Variants in SYNPR observed in about 807,000 individuals in gnomAD.
The protein encoded by SYNPR is synaptoporin.
Under a neutral mutation model 32.9 loss-of-function variants are expected in SYNPR, and 23 were observed. That is an observed-to-expected ratio of 0.70 (90% CI 0.50 to 0.99). SYNPR has a LOEUF of 0.99. Ranked by LOEUF, SYNPR falls within the 50% of genes least tolerant of loss-of-function variation. The probability of loss-of-function intolerance (pLI) is 0.00; values close to 1 mark genes in which losing one functional copy is unlikely to be tolerated. For missense variants in SYNPR, 318 were observed against 349.3 expected, an observed-to-expected ratio of 0.91 and a Z score of 0.71; for synonymous variants, 146 against 135.9, an observed-to-expected ratio of 1.07 and a Z score of -0.52.
intron 2 of SYNPR, among the ~76,000 whole-genome samples, chr3:63,446,841 T>C (rs1463694784): frequency 6.6e-6 from 1 of 152,188 alleles, no homozygotes; most frequent in African/African-American, 2.4e-5. Flanking sequence ...TATTGAGTTC[T>C]TGGTGTGATC....
chr3:63,383,329 G>C (rs1001562358), intron 2 of SYNPR, among the ~76,000 whole-genome samples: 1 of 152,212 alleles, frequency 6.6e-6, no homozygotes, highest in Non-Finnish European at 1.5e-5. Context: ...CAAGAGAAAA[G>C]AATAGAGCTG....
At chr3:63,304,379 T>A (rs2086887754) in intron 2 of SYNPR, among the ~76,000 whole-genome samples, 1 of 151,644 alleles carries the variant, frequency 6.6e-6, no homozygotes, top group Non-Finnish European at 1.5e-5. Flanking sequence ...TGTGTGTGTG[T>A]GTGTAAGAAA....
chr3:63,367,342 A>ATTATTTATTTAT (rs3081092), intron 2 of SYNPR, among the ~76,000 whole-genome samples: 5,265 of 143,636 alleles, frequency 0.037, 155 homozygotes, highest in African/African-American at 0.074. Context: ...TCACTGTTGA[A>ATTATTTATTTAT]TTATTTATTT....
intron 3 of SYNPR, among the ~76,000 whole-genome samples, chr3:63,548,369 G>A (rs1230675975): frequency 2.6e-5 from 4 of 151,918 alleles, no homozygotes; most frequent in Admixed American, 6.6e-5. Flanking sequence ...TCTGCATAAT[G>A]TTGGGGGGCT....
rs533311028 is a variant in SYNPR, at chr3:63,314,252, G to C, written c.84+35510G>C. ...CAGGTAGATACCCAGTAGTGGGACT[G>C]CTGGACCAAATGGTAGTTCAGTTCT... On this transcript the variant is annotated intron_variant, in intron 2 of 5. Transcript: ENST00000478300. 2.0e-5 allele frequency among the ~76,000 whole-genome samples: 3 copies of C among 151,000 alleles called. No individual in the cohort carries two copies. The South Asian group carries it at 6.3e-4, about 32-fold the overall frequency.
intron 3 of SYNPR, among the ~76,000 whole-genome samples, chr3:63,514,818 T>G: frequency 6.6e-6 from 1 of 152,242 alleles, no homozygotes; most frequent in South Asian, 2.1e-4. Context: ...GCTCTTTTGA[T>G]AGCCTTTGAG....
chr3:63,443,102 G>A, intron 2 of SYNPR: 1 of 1,090,556 alleles, frequency 9.2e-7, no homozygotes. Flanking sequence ...TTCCAGTTGT[G>A]AGCCAAGAGC....
intron 3 of SYNPR, among the ~76,000 whole-genome samples, chr3:63,546,492 G>A (rs1180649662): frequency 6.6e-6 from 1 of 152,038 alleles, no homozygotes; most frequent in Non-Finnish European, 1.5e-5. Flanking sequence ...TACATGCTGG[G>A]GGTGAGGGGG....
At chr3:63,287,662 G>T (rs566165040) in intron 2 of SYNPR, among the ~76,000 whole-genome samples, 2 of 152,240 alleles carry the variant, frequency 1.3e-5, no homozygotes, top group South Asian at 4.2e-4. Context: ...GAGAGAAGAA[G>T]GAGGGAAGAA....
At chr3:63,533,408 CA>C (rs1334098547) in intron 3 of SYNPR, among the ~76,000 whole-genome samples, 1 of 152,052 alleles carries the variant, frequency 6.6e-6, no homozygotes, top group Non-Finnish European at 1.5e-5. Flanking sequence ...ATTAAAGAAG[CA>C]ACAAAAACGT....
rs117219018 is a variant in SYNPR, at chr3:63,443,537, T to C, written c.85-37295T>C. The stretch of plus-strand genomic sequence containing the variant: ...ATGTGTGTGCATGTATGTGTCTCCA[T>C]AGGCACATTTGGATTGTACACTTTT... On this transcript the variant is annotated intron_variant, in intron 2 of 5. Coordinates refer to ENST00000478300, the MANE Select transcript of SYNPR (RefSeq NM_001130003.2). 2,060 of 1,508,746 alleles carry C rather than the reference T, an allele frequency of 1.4e-3. 34 individuals carry two copies. In the East Asian group the frequency reaches 0.031, roughly 23 times the overall value. 93.5% of individuals were successfully genotyped at this position (1,508,746 alleles called of 1,614,324 possible).
At chr3:63,219,524 A>T in the SYNPR span, among the ~76,000 whole-genome samples, 10 of 152,188 alleles carry the variant, frequency 6.6e-5, no homozygotes, top group Admixed American at 5.9e-4. Flanking sequence ...AACCTCCCAC[A>T]CCCAAAAATC....
In SYNPR at chr3:63,502,070, C is replaced by T. The variant is rs139942640; in HGVS notation, c.209+21114C>T. ...TACACATAGATGCAAGTGATATTTTCGATATATTGGTTTATATAGACATGT... is the reference window on the plus strand; with the variant it reads ...TACACATAGATGCAAGTGATATTTTTGATATATTGGTTTATATAGACATGT... On this transcript the variant is annotated intron_variant, in intron 3 of 5. Coordinates refer to ENST00000478300, the MANE Select transcript of SYNPR (RefSeq NM_001130003.2). 8.6e-5 allele frequency among the ~76,000 whole-genome samples: 13 copies of T among 151,894 alleles called. No individual in the cohort carries two copies. The East Asian group carries it at 1.6e-3, about 18-fold the overall frequency.
At chr3:63,507,192 A>G (rs1246958978) in intron 3 of SYNPR, among the ~76,000 whole-genome samples, 1 of 151,986 alleles carries the variant, frequency 6.6e-6, no homozygotes, top group Non-Finnish European at 1.5e-5. Flanking sequence ...TGGGCTCTTT[A>G]CCAACAGATG....
At chr3:63,611,837 G>C (rs1255256315) in intron 5 of SYNPR, among the ~76,000 whole-genome samples, 2 of 152,060 alleles carry the variant, frequency 1.3e-5, no homozygotes, top group African/African-American at 4.8e-5. Context: ...GCCCACCTTA[G>C]GCCAGATGCC....
At chr3:63,358,709 C>T (rs945205050) in intron 2 of SYNPR, among the ~76,000 whole-genome samples, 7 of 152,028 alleles carry the variant, frequency 4.6e-5, no homozygotes, top group Non-Finnish European at 7.4e-5. Context: ...TTAATTAACA[C>T]ATACTATGTT....
intron 1 of SYNPR, among the ~76,000 whole-genome samples, chr3:63,238,230 T>C (rs1402183051): frequency 6.6e-6 from 1 of 152,034 alleles, no homozygotes; most frequent in East Asian, 1.9e-4. Flanking sequence ...ATTTCCAGGG[T>C]TTATAGTTGT....
At chr3:63,534,317 G>T (rs1166551072) in intron 3 of SYNPR, among the ~76,000 whole-genome samples, 1 of 152,108 alleles carries the variant, frequency 6.6e-6, no homozygotes, top group Non-Finnish European at 1.5e-5. Flanking sequence ...TCTCATGTGG[G>T]TACAGAACCA....
rs180815850 is a variant in SYNPR, at chr3:63,345,943, T to C, written c.84+67201T>C. On this transcript the variant is annotated intron_variant, in intron 2 of 5. Coordinates refer to ENST00000478300, the MANE Select transcript of SYNPR (RefSeq NM_001130003.2). The stretch of plus-strand genomic sequence containing the variant: ...GATTCCCCTGCCTCAGCTTCTCAAG[T>C]AGCTGGGATTACAGGCATGCGCCAC... Among the ~76,000 whole-genome samples the C allele has an allele frequency of 3.6e-3, 550 of 152,216 alleles. 1 individual carries two copies. Among genetic ancestry groups the C allele is most frequent in the Non-Finnish European group, 5.4e-3 (364 of 68,012 alleles).
Sources: allele counts gnomAD v4.1 joint callset (sites outside exome capture counted in the v4.1 genomes callset), GRCh38; gene constraint gnomAD v4.1.1; transcripts MANE v1.5; gene names NCBI Gene and HGNC (gene_info 2026-07-23, HGNC 2026-07-21).